Variants in ADAM32 observed in about 807,000 individuals in gnomAD.
ADAM32 encodes the protein ADAM metallopeptidase domain 32, also known as disintegrin and metalloproteinase domain-containing protein 32.
A neutral mutation model predicts 114.9 loss-of-function variants in ADAM32; 89 were observed. The ratio of observed to expected loss-of-function variants is 0.77; its 90% confidence interval spans 0.65 to 0.92. The LOEUF is 0.92. Among genes scored for constraint, ADAM32 ranks in the 40% least tolerant of loss-of-function variants. The pLI, the probability that ADAM32 is intolerant of heterozygous loss-of-function variation, is 0.00. For synonymous variants in ADAM32, 285 were observed against 307.5 expected (o/e 0.93, Z 0.77); for missense variants, 870 against 932.8 (o/e 0.93, Z 0.88).
intron 2 of ADAM32, among the ~76,000 whole-genome samples, chr8:39,136,081 G>A (rs1047074990): frequency 4.0e-5 from 6 of 151,876 alleles, no homozygotes; most frequent in Admixed American, 1.3e-4. Flanking sequence ...TGCTTTTCAC[G>A]TGTTCCCTTT....
intron 23 of ADAM32, among the ~76,000 whole-genome samples, chr8:39,283,059 C>T (rs1473767574): frequency 1.3e-5 from 2 of 151,880 alleles, no homozygotes; most frequent in Admixed American, 6.6e-5. Context: ...CTTTTTCTCC[C>T]CCATTCTTTT....
At chr8:39,274,499 G>T in intron 21 of ADAM32, 149 bp downstream of exon 21, 3 of 827,302 alleles carry the variant, frequency 3.6e-6, no homozygotes, top group Non-Finnish European at 5.6e-6. Context: ...GTTGAATTTA[G>T]TTTCTAATAA....
Position 39,252,413 on chromosome 8 carries a change from GA to G in ADAM32, c.1903-1991del, listed in dbSNP as rs140292259. 4.2e-4 allele frequency among the ~76,000 whole-genome samples: 59 copies of G among 140,186 alleles called. 1 individual carries two copies. Among genetic ancestry groups the G allele is most frequent in the Middle Eastern group, 7.1e-3 (2 of 282 alleles). The allele number at this position is 140,186 out of a possible 152,430, so 92.0% of individuals were successfully genotyped here. The stretch of plus-strand genomic sequence containing the variant: ...AAATATCTCAAGACAAACAAAAAAT[GA>G]AAAAAAAAAGGGATGTGGCAAAAAC... On this transcript the variant is annotated intron_variant, in intron 17 of 24. Transcript: ENST00000379907.
At chr8:39,216,838 G>A (rs934777142) in intron 12 of ADAM32, among the ~76,000 whole-genome samples, 1 of 151,464 alleles carries the variant, frequency 6.6e-6, no homozygotes, top group African/African-American at 2.4e-5. Context: ...ATTTTGATTG[G>A]TTCATCATCT....
At chr8:39,203,382 T>C (rs995880019) in intron 11 of ADAM32, among the ~76,000 whole-genome samples, 6 of 152,212 alleles carry the variant, frequency 3.9e-5, no homozygotes, top group African/African-American at 1.4e-4. Flanking sequence ...TTTACCATTA[T>C]GTAATGGCCT....
intron 4 of ADAM32, 43 bp from the exon 5 acceptor site, chr8:39,149,748 T>A: frequency 7.1e-7 from 1 of 1,409,560 alleles, no homozygotes; most frequent in East Asian, 2.3e-5. Context: ...CTAGAAAGTT[T>A]TGTTACTTCC....
At chr8:39,149,377 G>A (rs117075011) in intron 4 of ADAM32, among the ~76,000 whole-genome samples, 4,071 of 152,094 alleles carry the variant, frequency 0.027, 76 homozygotes, top group Non-Finnish European at 0.044. Flanking sequence ...CATCCTTTTG[G>A]TTTGTGTTGG....
At position 39,195,501 on chromosome 8, in the gene ADAM32, CT is replaced by C. The variant is rs1806920665; in HGVS notation, c.1052+8457del. Among the ~76,000 whole-genome samples, 3 of 152,228 alleles carry C rather than the reference CT, an allele frequency of 2.0e-5. No individual in the cohort carries two copies. The South Asian group carries it at 6.2e-4, about 32-fold the overall frequency. ...GCTTTTGAAGTCTTAGCCATAAAAT[CT>C]GCCTAGAACAATGTCCTGAAATATT... is the stretch of plus-strand genomic sequence containing the variant. On this transcript the variant is annotated intron_variant, in intron 11 of 24. Transcript: ENST00000379907.
Position 39,118,135 on chromosome 8 carries a change from A to C in ADAM32, c.108A>C (p.Thr36=), listed in dbSNP as rs1840453237. ...TCGTAATTCCAGAGAAAATCCAAAC[A>C]AATACAAATGACAGTTCAGAAATAG... ...LQIVIPEKIQ[T]NTNDSSEIEY... is the part of the protein sequence containing the mutation. The change falls in exon 2 of 25, where the codon ACA becomes ACC. Residue 36 remains threonine (T), a synonymous_variant. Transcript: ENST00000379907. 6.7e-7 allele frequency: 1 copy of C among 1,492,960 alleles called. No individual in the cohort carries two copies. The highest frequency in any genetic ancestry group is 1.4e-5 in the African/African-American group (1 of 69,800). The allele number at this position is 1,492,960 out of a possible 1,614,324, so 92.5% of individuals were successfully genotyped here.
intron 11 of ADAM32, among the ~76,000 whole-genome samples, chr8:39,190,677 G>A (rs182462676): frequency 6.6e-6 from 1 of 152,218 alleles, no homozygotes; most frequent in African/African-American, 2.4e-5. Context: ...TCAGAAAAGA[G>A]AGCAGTTTGG....
rs182609489 is a variant in ADAM32, at chr8:39,235,592, A to G, written c.1818+1510A>G. ...ATTTAATAAGAATATAATCTTTTTA[A>G]TAACCCAGACAATTCTTCTCAGAAA... is the stretch of plus-strand genomic sequence containing the variant. On this transcript the variant is annotated intron_variant, in intron 16 of 24. Transcript: ENST00000379907. Among the ~76,000 whole-genome samples, 792 of 152,334 alleles carry G rather than the reference A, an allele frequency of 5.2e-3. 6 individuals are homozygous for G. Among genetic ancestry groups the G allele is most frequent in the African/African-American group, 0.018 (759 of 41,588 alleles).
chr8:39,196,232 G>GT (rs199928471), intron 11 of ADAM32, among the ~76,000 whole-genome samples: 21 of 152,176 alleles, frequency 1.4e-4, no homozygotes, highest in African/African-American at 4.3e-4. Flanking sequence ...AGTTTTTAGA[G>GT]TTTTTTGGTG....
At chr8:39,256,568 A>G (rs1291613945) in intron 18 of ADAM32, among the ~76,000 whole-genome samples, 3 of 152,054 alleles carry the variant, frequency 2.0e-5, no homozygotes, top group African/African-American at 7.2e-5. Context: ...AATATATGCC[A>G]GGTCCAGGTG....
intron 19 of ADAM32, among the ~76,000 whole-genome samples, chr8:39,259,816 C>T (rs1811905979): frequency 6.6e-6 from 1 of 152,184 alleles, no homozygotes; most frequent in African/African-American, 2.4e-5. Flanking sequence ...GTCATGTACA[C>T]TTTGCCTAGC....
chr8:39,198,606 G>C (rs1807173900), intron 11 of ADAM32, among the ~76,000 whole-genome samples: 1 of 152,180 alleles, frequency 6.6e-6, no homozygotes, highest in African/African-American at 2.4e-5. Flanking sequence ...TCGAACTCCT[G>C]ACCTCAGGTG....
chr8:39,151,075 TTTAA>T (rs144910346), intron 5 of ADAM32, among the ~76,000 whole-genome samples: 92,484 of 151,750 alleles, frequency 0.61, 30,255 homozygotes, highest in Middle Eastern at 0.78. Flanking sequence ...TTACAATTGC[TTTAA>T]TTGAGACACT....
At chr8:39,108,028 A>G (rs984980105) in intron 1 of ADAM32, 195 bp downstream of exon 1, 6 of 697,874 alleles carry the variant, frequency 8.6e-6, no homozygotes, top group Non-Finnish European at 1.3e-5. Context: ...TCACGCCTGT[A>G]ATCCCAGGGC....
intron 11 of ADAM32, among the ~76,000 whole-genome samples, chr8:39,210,812 C>G (rs1312146028): frequency 6.6e-6 from 1 of 151,972 alleles, no homozygotes; most frequent in Admixed American, 6.6e-5. Flanking sequence ...TAATTGGGTG[C>G]TAATTTTTAT....
intron 6 of ADAM32, among the ~76,000 whole-genome samples, chr8:39,153,350 C>A (rs1280130837): frequency 2.0e-5 from 3 of 152,158 alleles, no homozygotes; most frequent in African/African-American, 7.2e-5. Context: ...GTGCCCTGCC[C>A]AGAACCCCTC....
Sources: gnomAD v4.1 joint callset for allele counts (sites outside exome capture counted in the v4.1 genomes callset) on GRCh38, gnomAD v4.1.1 for gene constraint, MANE v1.5 for transcripts, NCBI Gene and HGNC (gene_info 2026-07-23, HGNC 2026-07-21) for gene names.